LARGE1: variants seen among roughly 807,000 people sequenced by gnomAD.
The protein encoded by LARGE1 is LARGE xylosyl- and glucuronyltransferase 1, also known as xylosyl- and glucuronyltransferase LARGE1.
In LARGE1, 43 loss-of-function variants were observed where a neutral mutation model predicts 87.6. The ratio of observed to expected loss-of-function variants is 0.49; its 90% CI spans 0.38 to 0.63. The LOEUF is 0.63. Among genes scored for constraint, LARGE1 ranks in the 30% least tolerant of loss-of-function variants. LARGE1 has a pLI of 0.00. For missense variants in LARGE1, 802 were observed against 1,000.2 expected (o/e 0.80, Z 2.67); for synonymous variants, 434 against 394.6 (o/e 1.10, Z -1.18).
At chr22:33,688,821 G>A (rs2082015152) in intron 2 of LARGE1, among the ~76,000 whole-genome samples, 1 of 151,994 alleles carries the variant, frequency 6.6e-6, no homozygotes, top group Non-Finnish European at 1.5e-5. Flanking sequence ...GACCAACTGT[G>A]CTGTCCATAA....
intron 6 of LARGE1, among the ~76,000 whole-genome samples, chr22:33,440,154 C>T (rs2067416387): frequency 6.6e-6 from 1 of 152,126 alleles, no homozygotes; most frequent in African/African-American, 2.4e-5. Context: ...AGCTTAAGTG[C>T]TCTAGGGGCC....
the LARGE1 span, among the ~76,000 whole-genome samples, chr22:33,092,436 C>A: frequency 6.6e-6 from 1 of 151,914 alleles, no homozygotes; most frequent in Non-Finnish European, 1.5e-5. Context: ...GTGTGGACTT[C>A]TTTTCTTTTC....
At chr22:33,648,517 C>A (rs143067806) in intron 3 of LARGE1, among the ~76,000 whole-genome samples, 3 of 152,340 alleles carry the variant, frequency 2.0e-5, no homozygotes, top group Non-Finnish European at 2.9e-5. Flanking sequence ...TCTAAACCAA[C>A]ACCATGGCTG....
chr22:33,500,996 T>C (rs1039997615), intron 6 of LARGE1, among the ~76,000 whole-genome samples: 1 of 151,724 alleles, frequency 6.6e-6, no homozygotes, highest in Non-Finnish European at 1.5e-5. Context: ...AGAGACTGGG[T>C]GGAGGTGCGG....
chr22:33,536,999 T>G (rs888037911), intron 6 of LARGE1, among the ~76,000 whole-genome samples: 6 of 152,140 alleles, frequency 3.9e-5, no homozygotes, highest in Admixed American at 3.3e-4. Flanking sequence ...TTAGTAGAGA[T>G]GGGGTTTCAC....
At chr22:33,195,077 A>G (rs1923994990) in intron 11 of LARGE1, among the ~76,000 whole-genome samples, 1 of 152,252 alleles carries the variant, frequency 6.6e-6, no homozygotes, top group Non-Finnish European at 1.5e-5. Context: ...AGCATTTATC[A>G]GGAAGTGGTG....
chr22:33,128,979 T>C, the LARGE1 span, among the ~76,000 whole-genome samples: 1 of 152,242 alleles, frequency 6.6e-6, no homozygotes, highest in African/African-American at 2.4e-5. Flanking sequence ...TAATGTGTGC[T>C]GGGCTTAATA....
At chr22:33,119,768 T>C in the LARGE1 span, among the ~76,000 whole-genome samples, 1 of 152,226 alleles carries the variant, frequency 6.6e-6, no homozygotes, top group African/African-American at 2.4e-5. Flanking sequence ...CTTAATTTTT[T>C]CAAGGGTATT....
At chr22:33,681,612 G>C (rs1259035303) in intron 2 of LARGE1, among the ~76,000 whole-genome samples, 1 of 152,146 alleles carries the variant, frequency 6.6e-6, no homozygotes, top group Non-Finnish European at 1.5e-5. Context: ...TACTATTAAA[G>C]ATCACCATCA....
chr22:33,304,468 C>T lies in LARGE1; in HGVS notation c.1491G>A (p.Gly497=). The part of the protein sequence containing the change: ...MLEAICKHWE[G]PISLALYLSD... ...ACAGGTAGAGGGCCAGGCTGATGGG[C>T]CCCTCCCAGTGCTTGCAGATGGCCT... Residue 497 remains glycine (G), a synonymous_variant, in exon 12 of 15, where the codon GGG becomes GGA. Coordinates refer to ENST00000397394, the MANE Select transcript of LARGE1 (RefSeq NM_133642.5). 2 of 1,611,568 alleles carry T rather than the reference C, an allele frequency of 1.2e-6. No individual in the cohort carries two copies. The highest frequency in any genetic ancestry group is 1.8e-4 in the Middle Eastern group (1 of 5,702).
chr22:33,636,372 C>T (rs758106081), intron 3 of LARGE1, among the ~76,000 whole-genome samples: 1 of 152,154 alleles, frequency 6.6e-6, no homozygotes, highest in Non-Finnish European at 1.5e-5. Flanking sequence ...ATGTTATGGT[C>T]ATGCTAGATG....
chr22:33,208,736 G>A (rs1924813657), intron 11 of LARGE1, among the ~76,000 whole-genome samples: 1 of 152,140 alleles, frequency 6.6e-6, no homozygotes, highest in African/African-American at 2.4e-5. Context: ...CCCACCACCA[G>A]ACAGGCCATG....
At chr22:33,443,212 T>C (rs187352024) in intron 6 of LARGE1, among the ~76,000 whole-genome samples, 20 of 152,242 alleles carry the variant, frequency 1.3e-4, no homozygotes, top group Non-Finnish European at 2.4e-4. Context: ...CATGTCAAGG[T>C]CAAGAAATCT....
intron 12 of LARGE1, among the ~76,000 whole-genome samples, chr22:33,289,395 G>A (rs1272080054): frequency 1.3e-5 from 2 of 152,128 alleles, no homozygotes; most frequent in African/African-American, 4.8e-5. Context: ...CTGACTTCAG[G>A]CCCATTCTGC....
intron 5 of LARGE1, 101 bp from the exon 6 acceptor site, chr22:33,565,120 G>T (rs1602461606): frequency 1.9e-6 from 2 of 1,041,022 alleles, no homozygotes. Context: ...CACACAAAAA[G>T]TATCCAATAA....
intron 2 of LARGE1, among the ~76,000 whole-genome samples, chr22:33,725,440 G>A (rs565526992): frequency 2.0e-5 from 3 of 152,266 alleles, no homozygotes; most frequent in Admixed American, 2.0e-4. Flanking sequence ...CCAGTTGAGG[G>A]TTCATCAGGA....
intron 2 of LARGE1, among the ~76,000 whole-genome samples, chr22:33,738,191 G>T (rs1241384811): frequency 6.6e-6 from 1 of 152,126 alleles, no homozygotes; most frequent in Non-Finnish European, 1.5e-5. Flanking sequence ...AAGATTGCTC[G>T]TGGAATGCAA....
At chr22:33,289,875 C>G (rs376741772) in intron 12 of LARGE1, among the ~76,000 whole-genome samples, 3 of 152,244 alleles carry the variant, frequency 2.0e-5, no homozygotes, top group East Asian at 1.9e-4. Flanking sequence ...TCTCAGCTCA[C>G]TCAGGTATAT....
intron 12 of LARGE1, among the ~76,000 whole-genome samples, chr22:33,297,123 G>T (rs926444324): frequency 6.6e-6 from 1 of 152,158 alleles, no homozygotes; most frequent in African/African-American, 2.4e-5. Context: ...TTCACCTGGT[G>T]CCACCTCTAC....
Sources: allele counts gnomAD v4.1 joint callset (sites outside exome capture counted in the v4.1 genomes callset), GRCh38; gene constraint gnomAD v4.1.1; transcripts MANE v1.5; gene names NCBI Gene and HGNC (gene_info 2026-07-23, HGNC 2026-07-21).